Variants in RIMBP2 observed in about 807,000 individuals in gnomAD.
The protein encoded by RIMBP2 is RIMS-binding protein 2.
A neutral mutation model predicts 118.6 loss-of-function variants in RIMBP2; 48 were observed. The observed-to-expected ratio is 0.40, with a 90% CI of 0.32 to 0.51. The LOEUF is 0.51. Among genes scored for constraint, RIMBP2 ranks in the 20% least tolerant of loss-of-function variants. RIMBP2 has a pLI of 0.41. For missense variants in RIMBP2, 1,551 were observed against 1,768.3 expected (o/e 0.88, Z 2.20); for synonymous variants, 762 against 742.9 (o/e 1.03, Z -0.42).
intron 1 of RIMBP2, among the ~76,000 whole-genome samples, chr12:130,684,032 A>G (rs986851357): frequency 2.6e-4 from 40 of 152,218 alleles, no homozygotes; most frequent in African/African-American, 8.4e-4. Context: ...TGGCACCTTT[A>G]TAAGTCTGAT....
Position 130,523,461 on chromosome 12 carries a change from T to A in RIMBP2, c.-216-5544A>T, listed in dbSNP as rs1173737082. 1.3e-5 allele frequency among the ~76,000 whole-genome samples: 2 copies of A among 152,160 alleles called. No individual in the cohort carries two copies. The highest frequency in any genetic ancestry group is 4.8e-5 in the African/African-American group (2 of 41,438). The stretch of plus-strand genomic sequence containing the variant: ...TAGCCTCTGCTAAAGCAACGAGACA[T>A]GGACAGGAGCCTTCACAGTGTCTCC... On this transcript the variant is annotated intron_variant, in intron 2 of 22. Coordinates refer to ENST00000690449, the MANE Select transcript of RIMBP2 (RefSeq NM_001393629.1). This position sits in a 1 kb window ranked among gnomAD's most constrained non-coding sequence, Gnocchi z 4.4.
At chr12:130,672,654 A>G (rs926828408) in intron 1 of RIMBP2, among the ~76,000 whole-genome samples, 9 of 152,222 alleles carry the variant, frequency 5.9e-5, no homozygotes, top group Non-Finnish European at 1.5e-5. Context: ...GGGGTTGCAG[A>G]GGCCAGTCTG....
rs1441421905 is a variant in RIMBP2 at position 130,703,151 on chromosome 12, T to C, written c.-352+13071A>G. Among the ~76,000 whole-genome samples the C allele has an allele frequency of 7.2e-5, 11 of 152,050 alleles. No homozygotes were observed. The highest frequency in any genetic ancestry group is 7.2e-4 in the Admixed American group (11 of 15,258). ...TTCTTTGCCTGGCAGTTGGAGATAATTGCAGTTGCCAAAGTGGTCCGGCCT... is the reference window on the plus strand; with the variant it reads ...TTCTTTGCCTGGCAGTTGGAGATAACTGCAGTTGCCAAAGTGGTCCGGCCT... On this transcript the variant is annotated intron_variant, in intron 1 of 22. Coordinates refer to ENST00000690449, the MANE Select transcript of RIMBP2 (RefSeq NM_001393629.1). This position sits in a 1 kb window ranked among gnomAD's most constrained non-coding sequence, Gnocchi z 5.7.
intron 2 of RIMBP2, among the ~76,000 whole-genome samples, chr12:130,524,535 G>C (rs547034335): frequency 8.5e-5 from 13 of 152,352 alleles, no homozygotes; most frequent in African/African-American, 2.9e-4. Flanking sequence ...ACGTGAAGAG[G>C]CAAGAAGGGT....
intron 2 of RIMBP2, among the ~76,000 whole-genome samples, chr12:130,519,942 T>C (rs2051901654): frequency 6.6e-6 from 1 of 152,122 alleles, no homozygotes; most frequent in Non-Finnish European, 1.5e-5. Flanking sequence ...CTGCACAGGG[T>C]CAAGGCTCAA....
At chr12:130,404,825 A>G (rs1290769062) in intron 21 of RIMBP2, among the ~76,000 whole-genome samples, 1 of 152,220 alleles carries the variant, frequency 6.6e-6, no homozygotes, top group Non-Finnish European at 1.5e-5. Flanking sequence ...AAACATAAAA[A>G]TGCATTATAA....
intron 14 of RIMBP2, chr12:130,429,550 T>C (rs1217255787): frequency 5.9e-5 from 9 of 152,244 alleles, no homozygotes; most frequent in Non-Finnish European, 1.0e-4. Flanking sequence ...CATAAAGATA[T>C]TCTGTTTTTG....
intron 2 of RIMBP2, among the ~76,000 whole-genome samples, chr12:130,551,230 A>T (rs1473507845): frequency 6.6e-6 from 1 of 152,240 alleles, no homozygotes; most frequent in Non-Finnish European, 1.5e-5. Context: ...GGAAAACAGG[A>T]TCTCTGCCAG....
rs914055368 is a variant in RIMBP2, at chr12:130,581,225, C to T, written c.-217+47097G>A. On this transcript the variant is annotated intron_variant, in intron 2 of 22. Transcript: ENST00000690449. This position sits in a 1 kb window ranked among gnomAD's most constrained non-coding sequence, Gnocchi z 4.4. ...CCTCTGGGTCATCAACTGAAATGCC[C>T]CGTGGTCCCAGGTCACACAGGGGTG... Among the ~76,000 whole-genome samples, 1 of 152,082 alleles carries T rather than the reference C, an allele frequency of 6.6e-6. No homozygotes were observed. Among genetic ancestry groups the T allele is most frequent in the Non-Finnish European group, 1.5e-5 (1 of 68,008 alleles).
intron 4 of RIMBP2, among the ~76,000 whole-genome samples, chr12:130,481,390 T>C (rs1350362227): frequency 1.3e-5 from 2 of 152,154 alleles, no homozygotes; most frequent in Non-Finnish European, 2.9e-5. Context: ...GATATTTTGT[T>C]TGTGTTTAAA....
At chr12:130,631,909 G>A (rs1031424001) in intron 1 of RIMBP2, among the ~76,000 whole-genome samples, 1 of 152,166 alleles carries the variant, frequency 6.6e-6, no homozygotes, top group Non-Finnish European at 1.5e-5. Context: ...CTTGTGTCTG[G>A]CTTGGGAACT....
intron 2 of RIMBP2, among the ~76,000 whole-genome samples, chr12:130,612,062 C>T (rs2060589776): frequency 6.6e-6 from 1 of 152,176 alleles, no homozygotes; most frequent in South Asian, 2.1e-4. Flanking sequence ...GGCAGCAGAT[C>T]CAAGTCTTCC....
intron 9 of RIMBP2, among the ~76,000 whole-genome samples, chr12:130,445,554 C>T (rs2078454995): frequency 6.6e-6 from 1 of 152,202 alleles, no homozygotes; most frequent in African/African-American, 2.4e-5. Flanking sequence ...TCTATTCACA[C>T]TTATCTCTTC....
intron 6 of RIMBP2, among the ~76,000 whole-genome samples, chr12:130,468,698 G>C (rs369348393): frequency 6.6e-6 from 1 of 152,158 alleles, no homozygotes; most frequent in African/African-American, 2.4e-5. Flanking sequence ...AGGCTCAGGC[G>C]TGCAGCTTGA....
chr12:130,449,380 G>A (rs1194502912), intron 9 of RIMBP2, among the ~76,000 whole-genome samples: 1 of 152,256 alleles, frequency 6.6e-6, no homozygotes, highest in South Asian at 2.1e-4. Context: ...GAGGACCTGA[G>A]AGGTGTGCGG....
At chr12:130,651,609 C>A (rs1264387087) in intron 1 of RIMBP2, 2 of 152,244 alleles carry the variant, frequency 1.3e-5, no homozygotes, top group African/African-American at 4.8e-5. Flanking sequence ...CAGAAGAAAG[C>A]AAAACTTCAC....
chr12:130,463,341 GGCACTGCT>G, intron 6 of RIMBP2, among the ~76,000 whole-genome samples: 1 of 152,348 alleles, frequency 6.6e-6, no homozygotes, highest in African/African-American at 2.4e-5. Flanking sequence ...GGGTCTGCAG[GGCACTGCT>G]CAGAAGCAAC....
chr12:130,482,187 G>T lies in RIMBP2; in HGVS notation c.-3-3171C>A, dbSNP rs115423860. ...CCCATGAGGGTCCCAGAGGTCCTCA[G>T]GACGGACAGTCTCTGCAGACCCTCA... On this transcript the variant is annotated intron_variant, in intron 4 of 22. Transcript: ENST00000690449. Among the ~76,000 whole-genome samples the T allele has an allele frequency of 3.1e-3, 465 of 152,336 alleles. 1 individual carries two copies. The highest frequency in any genetic ancestry group is 0.011 in the African/African-American group (459 of 41,568).
intron 3 of RIMBP2, among the ~76,000 whole-genome samples, chr12:130,509,795 C>G (rs561654431): frequency 6.6e-6 from 1 of 152,260 alleles, no homozygotes; most frequent in South Asian, 2.1e-4. Context: ...GCTCCATCCT[C>G]CAGTTTGCAA....
Sources: allele counts gnomAD v4.1 joint callset (sites outside exome capture counted in the v4.1 genomes callset), GRCh38; gene constraint gnomAD v4.1.1; non-coding constraint Gnocchi (gnomAD v3.1); transcripts MANE v1.5; gene names NCBI Gene and HGNC (gene_info 2026-07-23, HGNC 2026-07-21).